Variants in CTNNA3 observed in about 807,000 individuals in gnomAD.
The protein encoded by CTNNA3 is catenin alpha 3, also known as catenin alpha-3.
A neutral mutation model predicts 95.7 loss-of-function variants in CTNNA3; 76 were observed. That is an observed-to-expected ratio of 0.79 (90% CI 0.66 to 0.96). The LOEUF (loss-of-function observed/expected upper bound fraction) is 0.96. CTNNA3 is among the 40% of genes least tolerant of loss of function. The pLI is 0.00. For synonymous variants in CTNNA3, 431 were observed against 374.4 expected, an observed-to-expected ratio of 1.15 and a Z score of -1.74; for missense variants, 1,191 against 1,089.8, an observed-to-expected ratio of 1.09 and a Z score of -1.31.
chr10:66,944,609 A>C (rs577725968), intron 7 of CTNNA3, among the ~76,000 whole-genome samples: 3 of 152,298 alleles, frequency 2.0e-5, no homozygotes, highest in African/African-American at 7.2e-5. Flanking sequence ...AGATCCATCA[A>C]AGGAATTATT....
At chr10:66,763,341 C>CACAGAGAG (rs371974709) in intron 9 of CTNNA3, among the ~76,000 whole-genome samples, 41 of 139,212 alleles carry the variant, frequency 2.9e-4, no homozygotes, top group African/African-American at 1.1e-3. Context: ...CACACACACA[C>CACAGAGAG]AGAGAGAGAG....
intron 7 of CTNNA3, among the ~76,000 whole-genome samples, chr10:66,897,907 G>A (rs1446288201): frequency 2.0e-5 from 3 of 152,140 alleles, no homozygotes; most frequent in African/African-American, 7.2e-5. Flanking sequence ...CTGGACTGTG[G>A]ATACAAAAGG....
At chr10:66,541,034 T>C (rs1286998434) in intron 10 of CTNNA3, among the ~76,000 whole-genome samples, 1 of 152,130 alleles carries the variant, frequency 6.6e-6, no homozygotes, top group Non-Finnish European at 1.5e-5. Context: ...TAACCTGCTT[T>C]GAGTTTTTTT....
At chr10:66,709,976 AC>A (rs1231058345) in intron 9 of CTNNA3, among the ~76,000 whole-genome samples, 2 of 152,158 alleles carry the variant, frequency 1.3e-5, no homozygotes, top group African/African-American at 2.4e-5. Flanking sequence ...GTTGCTTTTG[AC>A]CCTAATAAAA....
At chr10:67,323,566 T>C (rs1038830936) in intron 5 of CTNNA3, among the ~76,000 whole-genome samples, 1 of 152,188 alleles carries the variant, frequency 6.6e-6, no homozygotes, top group African/African-American at 2.4e-5. Context: ...TCTGTTCCAC[T>C]GGTCTATGTG....
intron 5 of CTNNA3, among the ~76,000 whole-genome samples, chr10:67,246,182 C>T (rs1483570600): frequency 6.6e-6 from 1 of 152,148 alleles, no homozygotes; most frequent in Non-Finnish European, 1.5e-5. Context: ...TACTCAAGAA[C>T]TGTACGCAGA....
chr10:65,986,626 C>A (rs913962016), intron 16 of CTNNA3, among the ~76,000 whole-genome samples: 9 of 151,378 alleles, frequency 5.9e-5, no homozygotes, highest in African/African-American at 2.2e-4. Flanking sequence ...TTAAAATGTC[C>A]ATACTGCCCA....
rs535793382 is a variant in CTNNA3, at chr10:67,550,881, T to C, written c.293-11212A>G. On this transcript the variant is annotated intron_variant, in intron 3 of 17. Coordinates refer to ENST00000433211, the MANE Select transcript of CTNNA3 (RefSeq NM_013266.4). ...AAATCAAGGCTACTCCCATGAAACT[T>C]ACAGAAGAATTTCCCATGGAGCTTC... is the stretch of plus-strand genomic sequence containing the variant. Among the ~76,000 whole-genome samples the C allele has an allele frequency of 1.2e-4, 18 of 152,196 alleles. 1 individual carries two copies. In the South Asian group the frequency reaches 3.5e-3, roughly 30 times the overall value.
chr10:67,630,803 CA>C (rs889943676), intron 2 of CTNNA3, among the ~76,000 whole-genome samples: 9 of 151,072 alleles, frequency 6.0e-5, no homozygotes, highest in Admixed American at 4.0e-4. Flanking sequence ...CTTTGCCCTT[CA>C]AAAAAAAACT....
chr10:66,160,186 C>T (rs2084767999), intron 13 of CTNNA3, among the ~76,000 whole-genome samples: 1 of 151,812 alleles, frequency 6.6e-6, no homozygotes. Flanking sequence ...TTTAGTTCTG[C>T]TTGGAACTTC....
At chr10:67,461,988 G>A (rs770973864) in intron 5 of CTNNA3, among the ~76,000 whole-genome samples, 11 of 152,192 alleles carry the variant, frequency 7.2e-5, no homozygotes, top group Admixed American at 3.3e-4. Flanking sequence ...AGCTACTTAT[G>A]TTTGCATTAG....
chr10:67,341,709 C>A (rs1344465896), intron 5 of CTNNA3, among the ~76,000 whole-genome samples: 1 of 152,066 alleles, frequency 6.6e-6, no homozygotes, highest in Non-Finnish European at 1.5e-5. Flanking sequence ...GGGGCATATA[C>A]CTAGCAATGG....
intron 12 of CTNNA3, among the ~76,000 whole-genome samples, chr10:66,296,766 T>C (rs1017791085): frequency 2.6e-5 from 4 of 152,116 alleles, no homozygotes; most frequent in Non-Finnish European, 5.9e-5. Context: ...TTTTACAAAA[T>C]GTTGGTTGTG....
At chr10:67,285,455 C>T (rs1839561720) in intron 5 of CTNNA3, among the ~76,000 whole-genome samples, 1 of 152,194 alleles carries the variant, frequency 6.6e-6, no homozygotes, top group Admixed American at 6.5e-5. Flanking sequence ...GGGCTAGACA[C>T]TACCCTTCAC....
chr10:67,542,048 T>A (rs1840700242), intron 3 of CTNNA3, among the ~76,000 whole-genome samples: 1 of 152,152 alleles, frequency 6.6e-6, no homozygotes, highest in South Asian at 2.1e-4. Context: ...ACAATTAGTA[T>A]ATTCTTGTCT....
intron 7 of CTNNA3, among the ~76,000 whole-genome samples, chr10:67,145,201 G>C (rs1860782181): frequency 6.6e-6 from 1 of 152,088 alleles, no homozygotes; most frequent in Non-Finnish European, 1.5e-5. Flanking sequence ...GAGATCACTG[G>C]TCACAGAACA....
rs547716623 is a variant in CTNNA3 at position 67,190,541 on chromosome 10, T to G, written c.844-10021A>C. On this transcript the variant is annotated intron_variant, in intron 6 of 17. Coordinates refer to ENST00000433211, the MANE Select transcript of CTNNA3 (RefSeq NM_013266.4). ...ATAAAAATACAAAGTAATTAAAAATTCAAATTCTTAAATTTTAAAAAAGAT... is the reference window on the plus strand; with the variant it reads ...ATAAAAATACAAAGTAATTAAAAATGCAAATTCTTAAATTTTAAAAAAGAT... Among the ~76,000 whole-genome samples the G allele has an allele frequency of 2.2e-3, 337 of 152,138 alleles. 3 individuals carry two copies. Among genetic ancestry groups the G allele is most frequent in the African/African-American group, 7.7e-3 (320 of 41,568 alleles).
chr10:66,810,189 G>A (rs1841819586), intron 7 of CTNNA3, among the ~76,000 whole-genome samples: 1 of 152,086 alleles, frequency 6.6e-6, no homozygotes, highest in South Asian at 2.1e-4. Context: ...ATTATTAATT[G>A]TGAATTACCT....
chr10:66,194,417 TA>T (rs2086842807), intron 13 of CTNNA3, among the ~76,000 whole-genome samples: 1 of 151,956 alleles, frequency 6.6e-6, no homozygotes, highest in Non-Finnish European at 1.5e-5. Context: ...CCGTCTCTAC[TA>T]AAAATACAAA....
Sources: gnomAD v4.1 joint callset for allele counts (sites outside exome capture counted in the v4.1 genomes callset) on GRCh38, gnomAD v4.1.1 for gene constraint, MANE v1.5 for transcripts, NCBI Gene and HGNC (gene_info 2026-07-23, HGNC 2026-07-21) for gene names.